The following PDE4D variants were observed in gnomAD, a reference collection of about 807,000 sequenced individuals.
PDE4D encodes the protein 3',5'-cyclic-AMP phosphodiesterase 4D.
A neutral mutation model predicts 87.4 loss-of-function variants in PDE4D; 24 were observed. The observed-to-expected ratio is 0.27, with a 90% CI of 0.20 to 0.39. The LOEUF (loss-of-function observed/expected upper bound fraction) is 0.39, where lower values mean the gene tolerates loss of function less well. Among genes scored for constraint, PDE4D ranks in the 10% least tolerant of loss-of-function variants. The pLI, the probability that PDE4D is intolerant of heterozygous loss-of-function variation, is 1.00. For missense variants in PDE4D, 714 were observed against 1,041.0 expected, an observed-to-expected ratio of 0.69 and a Z score of 4.32; for synonymous variants, 384 against 383.2, an observed-to-expected ratio of 1.00 and a Z score of -0.02.
At chr5:60,168,525 A>C (rs1783135446) in intron 2 of PDE4D, among the ~76,000 whole-genome samples, 1 of 152,194 alleles carries the variant, frequency 6.6e-6, no homozygotes. Flanking sequence ...CCGCATAGCC[A>C]CATATATGTA....
chr5:59,210,908 A>C (rs556265946), intron 2 of PDE4D, among the ~76,000 whole-genome samples: 2 of 152,310 alleles, frequency 1.3e-5, no homozygotes, highest in African/African-American at 4.8e-5. Flanking sequence ...TTATCTTGTC[A>C]TTGCTAATTC....
intron 1 of PDE4D, among the ~76,000 whole-genome samples, chr5:59,245,246 T>A (rs17589745): frequency 0.07 from 10,585 of 152,148 alleles, 1,220 homozygotes; most frequent in East Asian, 0.51. Context: ...ATGTTGGAAG[T>A]GACAGGCAAT....
rs530348000 is a variant in PDE4D, at chr5:60,029,601, T to C, written c.43-40884A>G. Reference sequence around the variant, plus strand: ...CAGGACTTCCTGAGGCTGTTAGGGGTGCACATCCTCAATGCCATCTTGGCA... The same window carrying C: ...CAGGACTTCCTGAGGCTGTTAGGGGCGCACATCCTCAATGCCATCTTGGCA... On this transcript the variant is annotated intron_variant, in intron 2 of 16. Transcript: ENST00000502484. Among the ~76,000 whole-genome samples, 228 of 152,290 alleles carry C rather than the reference T, an allele frequency of 1.5e-3. 2 individuals carry two copies. The highest frequency in any genetic ancestry group is 1.2e-3 in the Non-Finnish European group (84 of 68,018).
chr5:59,066,230 G>A (rs1421786684), intron 5 of PDE4D, among the ~76,000 whole-genome samples: 1 of 152,074 alleles, frequency 6.6e-6, no homozygotes, highest in Non-Finnish European at 1.5e-5. Context: ...CAATTCTAGA[G>A]CAACTGTGTG....
intron 1 of PDE4D, among the ~76,000 whole-genome samples, chr5:59,504,888 C>G (rs1352502199): frequency 1.4e-5 from 2 of 147,996 alleles, no homozygotes; most frequent in African/African-American, 2.5e-5. Context: ...TTCATACTTT[C>G]TTGGTAGGGG....
At chr5:59,202,374 TAA>T (rs1165657628) in intron 2 of PDE4D, among the ~76,000 whole-genome samples, 2 of 152,130 alleles carry the variant, frequency 1.3e-5, no homozygotes, top group Admixed American at 6.5e-5. Context: ...GAAAAAATTT[TAA>T]AGAGATGTGG....
Position 59,736,449 on chromosome 5 carries a change from C to T in PDE4D, c.455+156719G>A, listed in dbSNP as rs573828088. Among the ~76,000 whole-genome samples the T allele has an allele frequency of 2.3e-4, 35 of 152,130 alleles. 1 individual carries two copies. The highest frequency in any genetic ancestry group is 8.2e-4 in the African/African-American group (34 of 41,524). ...ATCCCAGCACTTTGGGAGGCTGAGG[C>T]GGGTGGATCACCTGAGGTCAGGAGT... On this transcript the variant is annotated intron_variant, in intron 1 of 14. Coordinates refer to ENST00000340635, the MANE Select transcript of PDE4D (RefSeq NM_001104631.2).
intron 1 of PDE4D, among the ~76,000 whole-genome samples, chr5:59,697,563 A>G (rs1007342032): frequency 5.3e-5 from 8 of 152,332 alleles, no homozygotes; most frequent in Middle Eastern, 6.8e-3. Context: ...AAGCAAACCA[A>G]TGAACAAAGT....
intron 7 of PDE4D, among the ~76,000 whole-genome samples, chr5:58,992,379 T>C (rs1221481339): frequency 3.9e-5 from 6 of 152,194 alleles, no homozygotes; most frequent in African/African-American, 1.4e-4. Flanking sequence ...GAACTGAATA[T>C]TGTTCTTGCC....
At chr5:59,685,253 T>C (rs1436192339) in intron 1 of PDE4D, among the ~76,000 whole-genome samples, 1 of 152,188 alleles carries the variant, frequency 6.6e-6, no homozygotes, top group Non-Finnish European at 1.5e-5. Context: ...TTGAGAACTA[T>C]TTCATAGTTT....
intron 1 of PDE4D, among the ~76,000 whole-genome samples, chr5:60,448,412 A>T (rs1476227166): frequency 2.0e-5 from 3 of 152,178 alleles, no homozygotes; most frequent in African/African-American, 7.2e-5. Flanking sequence ...TGCCCTGCAC[A>T]TAACATAAAG....
intron 1 of PDE4D, among the ~76,000 whole-genome samples, chr5:59,277,785 G>T (rs926129327): frequency 1.3e-5 from 2 of 152,156 alleles, no homozygotes; most frequent in Non-Finnish European, 2.9e-5. Context: ...TCCCTTCTCT[G>T]TCACACACAC....
intron 1 of PDE4D, among the ~76,000 whole-genome samples, chr5:59,497,001 A>G (rs911773151): frequency 6.6e-6 from 1 of 152,102 alleles, no homozygotes; most frequent in Non-Finnish European, 1.5e-5. Context: ...ATTACACTAC[A>G]AAACAAAATT....
intron 2 of PDE4D, among the ~76,000 whole-genome samples, chr5:60,100,672 A>T (rs765022367): frequency 7.1e-4 from 108 of 152,120 alleles, no homozygotes; most frequent in Non-Finnish European, 1.5e-3. Flanking sequence ...TCAACCTTGC[A>T]TTGTTTTAGG....
intron 1 of PDE4D, among the ~76,000 whole-genome samples, chr5:60,438,827 T>C (rs929334060): frequency 4.6e-5 from 7 of 152,112 alleles, no homozygotes; most frequent in Non-Finnish European, 7.4e-5. Flanking sequence ...GCATTTTTTT[T>C]CCTATGAGAT....
At chr5:59,436,899 T>G (rs570781763) in intron 1 of PDE4D, among the ~76,000 whole-genome samples, 2 of 152,344 alleles carry the variant, frequency 1.3e-5, no homozygotes, top group South Asian at 4.1e-4. Context: ...CATGGACGGA[T>G]ACCTTAGAAG....
Position 58,993,272 on chromosome 5 carries a change from T to C in PDE4D, c.1015+100A>G, listed in dbSNP as rs1748351167. On this transcript the variant is annotated intron_variant, in intron 7 of 14. Coordinates refer to ENST00000340635, the MANE Select transcript of PDE4D (RefSeq NM_001104631.2). Reference sequence around the variant, plus strand: ...TGAAAACAAATAGAACTTCTAACACTTGTTTGGTTTCCAAAATGAGTTGGC... The same window carrying C: ...TGAAAACAAATAGAACTTCTAACACCTGTTTGGTTTCCAAAATGAGTTGGC... 10 of 607,004 alleles carry C rather than the reference T, an allele frequency of 1.6e-5. No individual in the cohort carries two copies. The East Asian group carries it at 2.9e-4, about 18-fold the overall frequency. The allele number at this position is 607,004 out of a possible 1,614,324, so 37.6% of individuals were successfully genotyped here.
intron 6 of PDE4D, among the ~76,000 whole-genome samples, chr5:59,023,110 G>A (rs1755518758): frequency 6.6e-6 from 1 of 151,598 alleles, no homozygotes; most frequent in Non-Finnish European, 1.5e-5. Flanking sequence ...GGGAGGAGAA[G>A]GTTGCAGTGA....
chr5:60,236,758 G>C (rs1370302310), intron 1 of PDE4D, among the ~76,000 whole-genome samples: 5 of 151,922 alleles, frequency 3.3e-5, no homozygotes, highest in Admixed American at 3.3e-4. Flanking sequence ...ACAAATGCTG[G>C]ATTTGAAGAC....
Sources: gnomAD v4.1 joint callset for allele counts (sites outside exome capture counted in the v4.1 genomes callset) on GRCh38, gnomAD v4.1.1 for gene constraint, MANE v1.5 for transcripts, NCBI Gene and HGNC (gene_info 2026-07-23, HGNC 2026-07-21) for gene names.